GRIN2D: variants seen among roughly 807,000 people sequenced by gnomAD.
The protein encoded by GRIN2D is glutamate receptor ionotropic, NMDA 2D.
In GRIN2D, 37 loss-of-function variants were observed where a neutral mutation model predicts 103.2. The ratio of observed to expected loss-of-function variants is 0.36; its 90% confidence interval spans 0.28 to 0.47. The LOEUF (loss-of-function observed/expected upper bound fraction) is 0.47, where lower values mean the gene tolerates loss of function less well. GRIN2D is among the 20% of genes least tolerant of loss of function. The pLI is 1.00. For synonymous variants in GRIN2D, 845 were observed against 885.6 expected (o/e 0.95, Z 0.81); for missense variants, 1,557 against 1,910.6 (o/e 0.81, Z 3.45).
intron 8 of GRIN2D, among the ~76,000 whole-genome samples, chr19:48,417,395 G>A (rs1970961521): frequency 6.6e-6 from 1 of 152,122 alleles, no homozygotes; most frequent in Non-Finnish European, 1.5e-5. Context: ...CCACCAGATG[G>A]GCTGGTGGCT....
In GRIN2D at chr19:48,404,918, AC is replaced by A; in HGVS notation, c.652del (p.Arg218AlafsTer4). On this transcript the variant is annotated frameshift_variant, in exon 4 of 14. Transcript: ENST00000263269. LOFTEE classifies it high-confidence loss of function. ...GACGGTAGTCTGGTGGGCTGGGAGC[AC>A]CGCGGAGCGCTGACGCTGGACCCTG... Reference protein sequence around the residue: ...LTDGSLVGWEHRGALTLDPGA... With the variant: ...LTDGSLVGWEXRGALTLDPGA... 6.2e-7 allele frequency: 1 copy of A among 1,613,712 alleles called. No homozygotes were observed. The highest frequency in any genetic ancestry group is 8.5e-7 in the Non-Finnish European group (1 of 1,179,972).
intron 11 of GRIN2D, among the ~76,000 whole-genome samples, chr19:48,439,775 C>A (rs1971270790): frequency 6.6e-6 from 1 of 152,360 alleles, no homozygotes; most frequent in Admixed American, 6.5e-5. Context: ...GAAACCCCAT[C>A]TCCACTAAAA....
At position 48,393,825 on chromosome 19, in the gene GRIN2D, C is replaced by T. The variant is rs1215716405; in HGVS notation, c.-349C>T. On this transcript the variant is annotated 5_prime_UTR_variant, in exon 1 of 14. Transcript: ENST00000263269. This position sits in a 1 kb window ranked among gnomAD's most constrained non-coding sequence, Gnocchi z 5.6. ...TGCTGGGGGTGTTGCCTGGGTAGGTCGGCCCGGCCCCCAGGGGTCTCTCGA... is the reference window on the plus strand; with the variant it reads ...TGCTGGGGGTGTTGCCTGGGTAGGTTGGCCCGGCCCCCAGGGGTCTCTCGA... Among the ~76,000 whole-genome samples, 2 of 152,040 alleles carry T rather than the reference C, an allele frequency of 1.3e-5. No homozygotes were observed. Among genetic ancestry groups the T allele is most frequent in the Non-Finnish European group, 2.9e-5 (2 of 68,006 alleles).
chr19:48,425,968 GTTTTGCCTGA>G lies in GRIN2D; in HGVS notation c.2252+4029_2252+4038del, dbSNP rs1971080784. The stretch of plus-strand genomic sequence containing the variant: ...GTCACCATAGAATATCATATAATTA[GTTTTGCCTGA>G]TTTTGAACGTCCTCTAAACAGAATC... On this transcript the variant is annotated intron_variant, in intron 11 of 13. Coordinates refer to ENST00000263269, the MANE Select transcript of GRIN2D (RefSeq NM_000836.4). Among the ~76,000 whole-genome samples, 4 of 152,138 alleles carry G rather than the reference GTTTTGCCTGA, an allele frequency of 2.6e-5. No individual in the cohort carries two copies. The South Asian group carries it at 8.3e-4, about 32-fold the overall frequency.
rs1337390097 is a variant in GRIN2D at position 48,393,912 on chromosome 19, G to C, written c.-306+44G>C. Among the ~76,000 whole-genome samples the C allele has an allele frequency of 6.6e-6, 1 of 152,054 alleles. No individual in the cohort carries two copies. Among genetic ancestry groups the C allele is most frequent in the Admixed American group, 6.6e-5 (1 of 15,262 alleles). ...GGGTGTCTGGGGCTGGCTGGTGGAG[G>C]GGGGGTGTGTCTGTAAGCGCTGCGG... On this transcript the variant is annotated intron_variant, in intron 1 of 13. Transcript: ENST00000263269. The surrounding 1 kb of genome is among the most constrained non-coding windows in gnomAD (Gnocchi z 5.6).
At position 48,419,434 on chromosome 19, in the gene GRIN2D, C is replaced by T. The variant is rs576368367; in HGVS notation, c.1861+75C>T. ...GACAGAGAACTACATTTCCCAGCAG[C>T]CCCTGGAGGGGGGGCGGTCAAGCTA... On this transcript the variant is annotated intron_variant, in intron 9 of 13. Coordinates refer to ENST00000263269, the MANE Select transcript of GRIN2D (RefSeq NM_000836.4). 3.9e-6 allele frequency: 6 copies of T among 1,531,134 alleles called. No individual in the cohort carries two copies. The African/African-American group carries it at 5.6e-5, about 14-fold the overall frequency. The allele number at this position is 1,531,134 out of a possible 1,614,324, so 94.8% of individuals were successfully genotyped here.
intron 11 of GRIN2D, among the ~76,000 whole-genome samples, chr19:48,439,557 T>C (rs954281711): frequency 1.3e-5 from 2 of 152,210 alleles, no homozygotes; most frequent in Admixed American, 6.5e-5. Context: ...ATGAGAGTGA[T>C]AGCAGCATGT....
At position 48,419,575 on chromosome 19, in the gene GRIN2D, C is replaced by A. The variant is rs768353083; in HGVS notation, c.1862-10C>A. The A allele has an allele frequency of 1.0e-5, 16 of 1,589,272 alleles. No homozygotes were observed. In the East Asian group the frequency reaches 3.4e-4, roughly 33 times the overall value. On this transcript the variant is annotated splice_polypyrimidine_tract_variant and intron_variant, in intron 9 of 13. Transcript: ENST00000263269. The stretch of plus-strand genomic sequence containing the variant: ...TTTGGGGTCCATGTCCACGTCCTGG[C>A]CCCCTGCAGGCCCTGGCGGTTCAAC...
At chr19:48,411,326 A>AAATAATAATAAT (rs200053542) in intron 4 of GRIN2D, among the ~76,000 whole-genome samples, 4 of 138,248 alleles carry the variant, frequency 2.9e-5, no homozygotes, top group Non-Finnish European at 6.2e-5. Flanking sequence ...CCCCGTCTCA[A>AAATAATAATAAT]AATAATAATA....
At chr19:48,419,561 T>G in intron 9 of GRIN2D, 24 bp from the exon 10 acceptor site, 1 of 1,538,664 alleles carries the variant, frequency 6.5e-7, no homozygotes, top group Non-Finnish European at 9.0e-7. Context: ...TTGGGGTCCA[T>G]GTCCACGTCC....
At position 48,405,165 on chromosome 19, in the gene GRIN2D, C is replaced by T. The variant is rs756276428; in HGVS notation, c.897C>T (p.Pro299=). The T allele has an allele frequency of 6.3e-7, 1 of 1,585,514 alleles. No individual in the cohort carries two copies. The highest frequency in any genetic ancestry group is 8.6e-7 in the Non-Finnish European group (1 of 1,167,896). Residue 299 remains proline (P), a synonymous_variant, in exon 4 of 14, where the codon CCC becomes CCT. Coordinates refer to ENST00000263269, the MANE Select transcript of GRIN2D (RefSeq NM_000836.4). This position sits in a 1 kb window ranked among gnomAD's most constrained non-coding sequence, Gnocchi z 5.1. ...GEPPLLPGGA[P]LPAGLFAVRS... ...CCCCTCTTCTGCCAGGAGGCGCCCC[C>T]CTGCCTGCCGGGCTGTTTGCAGTGC...
rs1053391158 is a variant in GRIN2D, at chr19:48,411,187, C to T, written c.1086-2804C>T. Among the ~76,000 whole-genome samples the T allele has an allele frequency of 2.4e-4, 37 of 151,844 alleles. 1 individual carries two copies. Among genetic ancestry groups the T allele is most frequent in the Non-Finnish European group, 5.3e-4 (36 of 67,970 alleles). ...AAATACAAAAATTAGTTGGGCATGGCGGTGCACATTTAAAGTCCCAGCAGC... is the reference window on the plus strand; with the variant it reads ...AAATACAAAAATTAGTTGGGCATGGTGGTGCACATTTAAAGTCCCAGCAGC... On this transcript the variant is annotated intron_variant, in intron 4 of 13. Coordinates refer to ENST00000263269, the MANE Select transcript of GRIN2D (RefSeq NM_000836.4).
chr19:48,407,245 T>C (rs892016526), intron 4 of GRIN2D, among the ~76,000 whole-genome samples: 1 of 152,104 alleles, frequency 6.6e-6, no homozygotes, highest in Admixed American at 6.5e-5. Flanking sequence ...AGTGCTGGGA[T>C]TCCAGCCGTG....
chr19:48,420,834 A>T (rs1468436982), intron 10 of GRIN2D, among the ~76,000 whole-genome samples: 1 of 151,930 alleles, frequency 6.6e-6, no homozygotes, highest in Non-Finnish European at 1.5e-5. Context: ...GACTCTGCCT[A>T]AAAAAAAGCC....
At chr19:48,427,475 T>TC (rs1971101475) in intron 11 of GRIN2D, among the ~76,000 whole-genome samples, 3 of 99,192 alleles carry the variant, frequency 3.0e-5, no homozygotes, top group African/African-American at 1.6e-4. Flanking sequence ...TTCTTTTCTT[T>TC]TTTTTTTTTT....
intron 3 of GRIN2D, among the ~76,000 whole-genome samples, chr19:48,401,200 A>T (rs774188977): frequency 1.1e-4 from 16 of 151,726 alleles, no homozygotes; most frequent in African/African-American, 2.4e-5. Context: ...AGGAAGATTT[A>T]TTGAGAGCTG....
chr19:48,402,947 C>T (rs957697798), intron 3 of GRIN2D, among the ~76,000 whole-genome samples: 1 of 151,714 alleles, frequency 6.6e-6, no homozygotes, highest in Admixed American at 6.6e-5. Flanking sequence ...ACCTGTAATC[C>T]CAGCACTTTG....
chr19:48,405,033 C>A lies in GRIN2D; in HGVS notation c.765C>A (p.Pro255=). 1 of 1,611,576 alleles carries A rather than the reference C, an allele frequency of 6.2e-7. No individual in the cohort carries two copies. Among genetic ancestry groups the A allele is most frequent in the Non-Finnish European group, 8.5e-7 (1 of 1,179,024 alleles). ...TCTGCGCCCGAGAGGAGGCCGAGCC[C>A]GTGTTCCGCGCAGCTGAGGAGGCTG... The part of the protein sequence containing the change: ...LLFCAREEAE[P]VFRAAEEAGL... The change falls in exon 4 of 14, where the codon CCC becomes CCA. Residue 255 remains proline (P), a synonymous_variant. Transcript: ENST00000263269. The surrounding 1 kb of genome is among the most constrained non-coding windows in gnomAD (Gnocchi z 5.1).
chr19:48,411,390 G>A lies in GRIN2D; in HGVS notation c.1086-2601G>A, dbSNP rs1218362021. Among the ~76,000 whole-genome samples, 7 of 151,252 alleles carry A rather than the reference G, an allele frequency of 4.6e-5. 1 individual carries two copies. Among genetic ancestry groups the A allele is most frequent in the South Asian group, 4.2e-4 (2 of 4,778 alleles). ...TAATAGGCCGGCAGTGGTGGCTCAC[G>A]CCTGTAATCCCAGAACTTTGGGAGG... On this transcript the variant is annotated intron_variant, in intron 4 of 13. Coordinates refer to ENST00000263269, the MANE Select transcript of GRIN2D (RefSeq NM_000836.4).
Sources: gnomAD v4.1 joint callset for allele counts (sites outside exome capture counted in the v4.1 genomes callset) on GRCh38, gnomAD v4.1.1 for gene constraint, Gnocchi (gnomAD v3.1) non-coding constraint, MANE v1.5 for transcripts, NCBI Gene and HGNC (gene_info 2026-07-23, HGNC 2026-07-21) for gene names.